Variants in DCC observed in about 807,000 individuals in gnomAD.
The protein encoded by DCC is DCC netrin 1 receptor.
In DCC, 58 loss-of-function variants were observed where a neutral mutation model predicts 172.5. The ratio of observed to expected loss-of-function variants is 0.34; its 90% confidence interval spans 0.27 to 0.42. The LOEUF (loss-of-function observed/expected upper bound fraction) is 0.42. DCC is among the 10% of genes least tolerant of loss of function. The probability of loss-of-function intolerance (pLI) is 1.00; values close to 1 mark genes in which losing one functional copy is unlikely to be tolerated. For synonymous variants in DCC, 709 were observed against 644.5 expected (o/e 1.10, Z -1.52); for missense variants, 1,740 against 1,791.0 (o/e 0.97, Z 0.51).
chr18:52,744,108 A>G (rs1435898662), intron 1 of DCC, among the ~76,000 whole-genome samples: 2 of 152,074 alleles, frequency 1.3e-5, no homozygotes, highest in South Asian at 2.1e-4. Context: ...ATGCTCTGTT[A>G]TATTTGATTT....
chr18:52,837,667 C>T (rs1315616573), intron 2 of DCC, among the ~76,000 whole-genome samples: 1 of 152,354 alleles, frequency 6.6e-6, no homozygotes, highest in African/African-American at 2.4e-5. Flanking sequence ...ATTTTCCTGT[C>T]TTCCGAGCCC....
intron 2 of DCC, among the ~76,000 whole-genome samples, chr18:52,905,077 C>T (rs1419238925): frequency 1.3e-5 from 2 of 152,094 alleles, no homozygotes; most frequent in South Asian, 2.1e-4. Context: ...AACGTCATGG[C>T]AGAGAAGCCT....
chr18:53,118,163 A>C (rs746104524), intron 7 of DCC, among the ~76,000 whole-genome samples: 1 of 151,810 alleles, frequency 6.6e-6, no homozygotes, highest in Non-Finnish European at 1.5e-5. Context: ...TTATCAAACA[A>C]AAGACAAAGA....
intron 7 of DCC, among the ~76,000 whole-genome samples, chr18:53,140,716 G>A (rs1295073809): frequency 6.6e-6 from 1 of 152,050 alleles, no homozygotes; most frequent in Non-Finnish European, 1.5e-5. Flanking sequence ...ACTAATATAT[G>A]CTGAGGGAAA....
At chr18:52,483,023 G>A (rs935758599) in intron 1 of DCC, among the ~76,000 whole-genome samples, 47 of 152,012 alleles carry the variant, frequency 3.1e-4, no homozygotes, top group Non-Finnish European at 1.3e-4. Flanking sequence ...GAAGGCTCCT[G>A]GGATAATCCT....
chr18:52,494,610 T>A (rs1157621788), intron 1 of DCC, among the ~76,000 whole-genome samples: 1 of 152,080 alleles, frequency 6.6e-6, no homozygotes, highest in African/African-American at 2.4e-5. Flanking sequence ...GATAAGCTTA[T>A]ATATTATGTT....
intron 9 of DCC, among the ~76,000 whole-genome samples, chr18:53,186,873 C>T (rs7243019): frequency 0.55 from 83,610 of 151,924 alleles, 24,323 homozygotes; most frequent in African/African-American, 0.7. Flanking sequence ...TTTGTTGCTG[C>T]ATCTTCCAGA....
chr18:52,473,989 T>G (rs1430982496), intron 1 of DCC, among the ~76,000 whole-genome samples: 1 of 151,674 alleles, frequency 6.6e-6, no homozygotes, highest in Admixed American at 6.6e-5. Flanking sequence ...CCACATTTCT[T>G]TTTTTTTACT....
At chr18:53,003,406 G>C (rs1411123508) in intron 5 of DCC, among the ~76,000 whole-genome samples, 2 of 150,396 alleles carry the variant, frequency 1.3e-5, no homozygotes, top group East Asian at 4.0e-4. Context: ...TGGATCTAAG[G>C]GGAGAGATTT....
intron 27 of DCC, among the ~76,000 whole-genome samples, chr18:53,512,519 C>T (rs1182849364): frequency 2.5e-4 from 36 of 145,988 alleles, no homozygotes; most frequent in East Asian, 1.2e-3. Flanking sequence ...CTCTGAGCTA[C>T]GGGAGGACAT....
intron 2 of DCC, among the ~76,000 whole-genome samples, chr18:52,778,341 C>T (rs2037471560): frequency 6.6e-6 from 1 of 152,104 alleles, no homozygotes; most frequent in Non-Finnish European, 1.5e-5. Context: ...TTTAATGAAT[C>T]TTGGGGTGTC....
At position 53,044,883 on chromosome 18, in the gene DCC, A is replaced by G. The variant is rs181123403; in HGVS notation, c.986-18422A>G. 1.8e-4 allele frequency among the ~76,000 whole-genome samples: 27 copies of G among 151,996 alleles called. No individual in the cohort carries two copies. In the East Asian group the frequency reaches 4.3e-3, roughly 24 times the overall value. ...AACGAGTGCAAAAACATTCAAGGGC[A>G]TAAGTATGGCTATAGAATATAGATG... On this transcript the variant is annotated intron_variant, in intron 5 of 28. Transcript: ENST00000442544.
intron 1 of DCC, among the ~76,000 whole-genome samples, chr18:52,512,753 TG>T (rs1030473048): frequency 7.9e-5 from 12 of 151,950 alleles, no homozygotes; most frequent in Admixed American, 2.6e-4. Context: ...TGATAAATGC[TG>T]GGGGGAAAAA....
intron 1 of DCC, among the ~76,000 whole-genome samples, chr18:52,443,401 A>G (rs1479332025): frequency 6.6e-6 from 1 of 151,848 alleles, no homozygotes; most frequent in East Asian, 1.9e-4. Flanking sequence ...CATACAAGTG[A>G]TATTTGTAAG....
intron 1 of DCC, among the ~76,000 whole-genome samples, chr18:52,573,053 T>C (rs1445681527): frequency 2.6e-5 from 4 of 152,202 alleles, no homozygotes; most frequent in East Asian, 1.9e-4. Flanking sequence ...TGTAATGTGA[T>C]AGAAACACCT....
At chr18:52,870,963 T>C (rs1395578132) in intron 2 of DCC, among the ~76,000 whole-genome samples, 1 of 151,954 alleles carries the variant, frequency 6.6e-6, no homozygotes, top group African/African-American at 2.4e-5. Context: ...GGAAGAAACT[T>C]TTGGGCAGTT....
intron 1 of DCC, among the ~76,000 whole-genome samples, chr18:52,348,977 A>T (rs1983998767): frequency 6.6e-6 from 1 of 152,182 alleles, no homozygotes; most frequent in Non-Finnish European, 1.5e-5. Flanking sequence ...CTCCTTATGA[A>T]TCCCCTGAAT....
At chr18:52,762,939 C>T (rs2037187439) in intron 2 of DCC, among the ~76,000 whole-genome samples, 1 of 152,184 alleles carries the variant, frequency 6.6e-6, no homozygotes, top group Non-Finnish European at 1.5e-5. Context: ...TATTTACATC[C>T]TAACTTAGGT....
chr18:52,610,171 AAAAAAAAATATATATATATATATAT>A (rs2034234255), intron 1 of DCC, among the ~76,000 whole-genome samples: 2 of 24,884 alleles, frequency 8.0e-5, no homozygotes, highest in Non-Finnish European at 1.4e-4. Context: ...AAAAAAAAAA[AAAAAAAAATATATATATATATATAT>A]ATATATATAT....
Sources: allele counts gnomAD v4.1 joint callset (sites outside exome capture counted in the v4.1 genomes callset), GRCh38; gene constraint gnomAD v4.1.1; transcripts MANE v1.5; gene names NCBI Gene and HGNC (gene_info 2026-07-23, HGNC 2026-07-21).